Variants in TMEM132C observed in about 807,000 individuals in gnomAD.
TMEM132C encodes protein phosphatase 1, regulatory subunit 152.
TMEM132C carries 29 observed loss-of-function variants against 61.4 expected under a neutral mutation model. The ratio of observed to expected loss-of-function variants is 0.47; its 90% CI spans 0.35 to 0.64. The LOEUF (loss-of-function observed/expected upper bound fraction) is 0.64. Ranked by LOEUF, TMEM132C falls within the 30% of genes least tolerant of loss-of-function variation. The probability of loss-of-function intolerance (pLI) is 0.00; values close to 1 mark genes in which losing one functional copy is unlikely to be tolerated. For missense variants in TMEM132C, 1,408 were observed against 1,476.9 expected (o/e 0.95, Z 0.76); for synonymous variants, 656 against 633.1 (o/e 1.04, Z -0.54).
chr12:128,474,417 C>T (rs984603495), intron 2 of TMEM132C, among the ~76,000 whole-genome samples: 6 of 152,190 alleles, frequency 3.9e-5, no homozygotes, highest in African/African-American at 7.2e-5. Context: ...TTAGCACACA[C>T]TGTGAAACTC....
At chr12:128,594,853 A>G (rs1875890103) in intron 3 of TMEM132C, among the ~76,000 whole-genome samples, 1 of 152,220 alleles carries the variant, frequency 6.6e-6, no homozygotes, top group African/African-American at 2.4e-5. Context: ...GCAGCTTCCA[A>G]GACTCCTAAG....
chr12:128,603,259 G>A, intron 3 of TMEM132C, among the ~76,000 whole-genome samples: 1 of 152,224 alleles, frequency 6.6e-6, no homozygotes, highest in Non-Finnish European at 1.5e-5. Context: ...GCTAGATTCA[G>A]GCGGGTGAGG....
chr12:128,443,789 G>C (rs1399102621), intron 2 of TMEM132C, among the ~76,000 whole-genome samples: 1 of 152,112 alleles, frequency 6.6e-6, no homozygotes, highest in Non-Finnish European at 1.5e-5. Flanking sequence ...TTCCTACCTG[G>C]GGGCCTTTGT....
intron 1 of TMEM132C, among the ~76,000 whole-genome samples, 172 bp downstream of exon 1, chr12:128,267,659 C>T (rs960755780): frequency 6.6e-6 from 1 of 152,176 alleles, no homozygotes; most frequent in Non-Finnish European, 1.5e-5. Flanking sequence ...CAGAAGGGCG[C>T]TCCCAGCTGG....
chr12:128,331,253 T>C (rs943429973), intron 1 of TMEM132C, among the ~76,000 whole-genome samples: 1 of 152,226 alleles, frequency 6.6e-6, no homozygotes, highest in Non-Finnish European at 1.5e-5. Context: ...ATCTTTGAAC[T>C]TTTTGTAATA....
intron 4 of TMEM132C, among the ~76,000 whole-genome samples, chr12:128,625,597 G>C (rs898281932): frequency 4.6e-5 from 7 of 152,188 alleles, no homozygotes; most frequent in African/African-American, 1.7e-4. Flanking sequence ...AGTGAAAGGG[G>C]AAACCCCTTA....
At chr12:128,518,305 T>C (rs566111689) in intron 2 of TMEM132C, among the ~76,000 whole-genome samples, 58 of 152,350 alleles carry the variant, frequency 3.8e-4, no homozygotes, top group Admixed American at 3.3e-3. Context: ...TGGAGTTGTT[T>C]TGCAATTAAC....
chr12:128,513,713 A>C (rs1187909925), intron 2 of TMEM132C, among the ~76,000 whole-genome samples: 1 of 152,200 alleles, frequency 6.6e-6, no homozygotes, highest in Non-Finnish European at 1.5e-5. Flanking sequence ...TAGGCACTAG[A>C]GAGATTTCTT....
intron 2 of TMEM132C, among the ~76,000 whole-genome samples, chr12:128,492,482 TC>T (rs1259085082): frequency 6.6e-6 from 1 of 152,216 alleles, no homozygotes; most frequent in Non-Finnish European, 1.5e-5. Context: ...GTAAAAGTGT[TC>T]CGATTTCTCC....
chr12:128,390,890 G>C (rs1173561551), intron 1 of TMEM132C, among the ~76,000 whole-genome samples: 1 of 152,176 alleles, frequency 6.6e-6, no homozygotes, highest in Non-Finnish European at 1.5e-5. Flanking sequence ...GACACAGGCA[G>C]ATACAGGGTT....
At chr12:128,540,739 G>C (rs1047876172) in intron 2 of TMEM132C, among the ~76,000 whole-genome samples, 1 of 152,156 alleles carries the variant, frequency 6.6e-6, no homozygotes, top group Non-Finnish European at 1.5e-5. Context: ...TGGGGCAGAG[G>C]GGGTGGTTTC....
chr12:128,388,113 A>T lies in TMEM132C; in HGVS notation c.86-26619A>T, dbSNP rs1376298488. Among the ~76,000 whole-genome samples the T allele has an allele frequency of 2.2e-4, 33 of 152,218 alleles. 1 individual carries two copies. The highest frequency in any genetic ancestry group is 1.5e-5 in the Non-Finnish European group (1 of 68,020). ...CACTTCCAAGAGCCCGAGCCCAGGA[A>T]AAGCGTCTGGGCCAGTGGCTTCCTC... On this transcript the variant is annotated intron_variant, in intron 1 of 8. Coordinates refer to ENST00000435159, the MANE Select transcript of TMEM132C (RefSeq NM_001136103.3).
intron 1 of TMEM132C, among the ~76,000 whole-genome samples, chr12:128,368,344 T>C (rs1361104266): frequency 6.6e-6 from 1 of 152,242 alleles, no homozygotes; most frequent in Admixed American, 6.5e-5. Context: ...GACTGCCACC[T>C]CTGGGACCAA....
chr12:128,655,757 A>G lies in TMEM132C; in HGVS notation c.1306-13660A>G, dbSNP rs145235283. Among the ~76,000 whole-genome samples the G allele has an allele frequency of 3.3e-3, 507 of 152,078 alleles. 3 individuals carry two copies. Among genetic ancestry groups the G allele is most frequent in the African/African-American group, 0.012 (484 of 41,484 alleles). On this transcript the variant is annotated intron_variant, in intron 4 of 8. Transcript: ENST00000435159. ...TGCCATTCCCAAACTGCAAGCCACC[A>G]TCTAGCATCATTGCCAGGGACTTGA... is the stretch of plus-strand genomic sequence containing the variant.
intron 2 of TMEM132C, among the ~76,000 whole-genome samples, chr12:128,453,922 A>T (rs1197814818): frequency 6.6e-6 from 1 of 152,228 alleles, no homozygotes; most frequent in Non-Finnish European, 1.5e-5. Flanking sequence ...AAATCCCAGT[A>T]TGGGGAGAGA....
intron 1 of TMEM132C, among the ~76,000 whole-genome samples, chr12:128,368,055 A>G (rs933406611): frequency 2.0e-4 from 30 of 152,204 alleles, no homozygotes; most frequent in African/African-American, 7.2e-4. Flanking sequence ...CTTTGCGTGA[A>G]TTAGAAAAAG....
Position 128,612,266 on chromosome 12 carries a change from T to G in TMEM132C, c.1122-3886T>G, listed in dbSNP as rs940784867. 2.0e-5 allele frequency among the ~76,000 whole-genome samples: 3 copies of G among 152,208 alleles called. No homozygotes were observed. In the South Asian group the frequency reaches 6.2e-4, roughly 31 times the overall value. ...CTTTTGTCTGAGATCTCCAACTCCCTGAAAGACGGATGTCGGTGTTCTAGC... is the reference window on the plus strand; with the variant it reads ...CTTTTGTCTGAGATCTCCAACTCCCGGAAAGACGGATGTCGGTGTTCTAGC... On this transcript the variant is annotated intron_variant, in intron 3 of 8. Transcript: ENST00000435159.
intron 4 of TMEM132C, among the ~76,000 whole-genome samples, chr12:128,655,273 G>A (rs919897522): frequency 1.3e-5 from 2 of 152,160 alleles, no homozygotes; most frequent in African/African-American, 2.4e-5. Context: ...CGGCACAGCC[G>A]GGGTCTGCAC....
At chr12:128,552,523 T>C (rs1425702972) in intron 3 of TMEM132C, among the ~76,000 whole-genome samples, 1 of 152,234 alleles carries the variant, frequency 6.6e-6, no homozygotes, top group East Asian at 1.9e-4. Context: ...AAATGTTTTA[T>C]TTAAAAAATA....
Sources: gnomAD v4.1 joint callset for allele counts (sites outside exome capture counted in the v4.1 genomes callset) on GRCh38, gnomAD v4.1.1 for gene constraint, MANE v1.5 for transcripts, NCBI Gene and HGNC (gene_info 2026-07-23, HGNC 2026-07-21) for gene names.